NHS: variants seen among roughly 807,000 people sequenced by gnomAD.
NHS encodes the protein NHS actin remodeling regulator, also known as actin remodeling regulator NHS.
NHS carries 5 observed loss-of-function variants against 72.5 expected under a neutral mutation model. The observed-to-expected ratio is 0.07, with a 90% confidence interval of 0.04 to 0.14. The LOEUF is 0.14. Ranked by LOEUF, NHS falls within the 10% of genes least tolerant of loss-of-function variation. The pLI, the probability that NHS is intolerant of heterozygous loss-of-function variation, is 1.00. For missense variants in NHS, 1,072 were observed against 1,355.7 expected (o/e 0.79, Z 3.29); for synonymous variants, 464 against 547.7 (o/e 0.85, Z 2.13).
chrX:17,532,822 G>A (rs1276066992), intron 1 of NHS, among the ~76,000 whole-genome samples: 1 of 111,818 alleles, frequency 8.9e-6, no homozygotes, highest in Non-Finnish European at 1.9e-5. Context: ...CCCTGGCCCG[G>A]CCACTTACTG....
chrX:17,515,786 C>T (rs1322979283), intron 1 of NHS, among the ~76,000 whole-genome samples: 1 of 111,750 alleles, frequency 8.9e-6, no homozygotes, highest in Non-Finnish European at 1.9e-5. Context: ...ATGATTATTA[C>T]CATTTTACAG....
chrX:17,423,386 T>G (rs1308049600), intron 1 of NHS, among the ~76,000 whole-genome samples: 1 of 111,457 alleles, frequency 9.0e-6, no homozygotes, highest in Admixed American at 9.5e-5. Context: ...TGAGCAGGCA[T>G]CTCCTCCTCC....
At chrX:17,489,602 C>T (rs981793257) in intron 1 of NHS, among the ~76,000 whole-genome samples, 1 of 112,015 alleles carries the variant, frequency 8.9e-6, no homozygotes, top group Non-Finnish European at 1.9e-5. Context: ...ATTCTCCTGC[C>T]TCAGCCTCCC....
At chrX:17,659,807 AG>A (rs2065974268) in intron 1 of NHS, among the ~76,000 whole-genome samples, 1 of 111,942 alleles carries the variant, frequency 8.9e-6, no homozygotes, top group Non-Finnish European at 1.9e-5. Flanking sequence ...TAGGAGGTAG[AG>A]GTTATTATTA....
chrX:17,635,145 C>T, intron 1 of NHS: 1 of 232,433 alleles, frequency 4.3e-6, no homozygotes, highest in Non-Finnish European at 6.8e-6. Context: ...CAGGTTGATG[C>T]CTATGCTCCT....
chrX:17,586,979 G>C (rs922927228), intron 1 of NHS: 2 of 112,056 alleles, frequency 1.8e-5, no homozygotes, highest in Non-Finnish European at 3.8e-5. Flanking sequence ...GAAGAGAAGA[G>C]GCCTAAAAAC....
intron 1 of NHS, among the ~76,000 whole-genome samples, chrX:17,406,941 C>A (rs2064532062): frequency 8.9e-6 from 1 of 111,928 alleles, no homozygotes; most frequent in African/African-American, 3.2e-5. Flanking sequence ...CCTCACAGAA[C>A]CTAACACCAA....
chrX:17,405,615 G>A (rs1236243370), intron 1 of NHS, among the ~76,000 whole-genome samples: 1 of 112,041 alleles, frequency 8.9e-6, no homozygotes, highest in Non-Finnish European at 1.9e-5. Flanking sequence ...AACAGGGAAA[G>A]AGATTTTTAA....
At chrX:17,590,550 T>C (rs2065598301) in intron 1 of NHS, among the ~76,000 whole-genome samples, 1 of 111,639 alleles carries the variant, frequency 9.0e-6, no homozygotes, top group Non-Finnish European at 1.9e-5. Flanking sequence ...ATAGTCCCAG[T>C]TTTATAAAAA....
intron 1 of NHS, among the ~76,000 whole-genome samples, chrX:17,678,362 G>A (rs1017559232): frequency 2.7e-5 from 3 of 110,182 alleles, no homozygotes; most frequent in African/African-American, 9.9e-5. Flanking sequence ...AAATACCTGA[G>A]ACTGGGTAAT....
Position 17,720,425 on chromosome X carries a change from C to A in NHS, c.916-1016C>A, listed in dbSNP as rs190288534. Reference sequence around the variant, plus strand: ...TATTAAAGTCTTACTGGGATAACAGCAAAAGATATTTATTTTATACAGATA... The same window carrying A: ...TATTAAAGTCTTACTGGGATAACAGAAAAAGATATTTATTTTATACAGATA... On this transcript the variant is annotated intron_variant, in intron 4 of 8. Transcript: ENST00000676302. 9.1e-3 allele frequency among the ~76,000 whole-genome samples: 1,019 copies of A among 112,003 alleles called. 6 individuals carry two copies. Among genetic ancestry groups the A allele is most frequent in the African/African-American group, 0.032 (971 of 30,816 alleles).
chrX:17,452,498 TTTTTTGTTTTTG>T (rs201488207), intron 1 of NHS, among the ~76,000 whole-genome samples: 68 of 109,143 alleles, frequency 6.2e-4, no homozygotes, highest in African/African-American at 2.1e-3. Flanking sequence ...TGTGTTTTTT[TTTTTTGTTTTTG>T]TTTTTGTTTT....
At chrX:17,720,620 TTGATATTTATCAAA>T (rs1304022489) in intron 4 of NHS, among the ~76,000 whole-genome samples, 9 of 112,349 alleles carry the variant, frequency 8.0e-5, no homozygotes, top group African/African-American at 2.9e-4. Flanking sequence ...TTAGACAATA[TTGATATTTATCAAA>T]AGTTTGGATG....
intron 1 of NHS, among the ~76,000 whole-genome samples, chrX:17,490,597 G>C (rs2064986557): frequency 8.9e-6 from 1 of 112,203 alleles, no homozygotes. Flanking sequence ...GGATTGTCTT[G>C]ACTATACGGG....
At chrX:17,662,809 A>G (rs1446185650) in intron 1 of NHS, among the ~76,000 whole-genome samples, 1 of 112,146 alleles carries the variant, frequency 8.9e-6, no homozygotes, top group African/African-American at 3.2e-5. Context: ...TAAGAAATAC[A>G]GTAATAATAA....
chrX:17,567,551 A>G (rs1430868884), intron 1 of NHS, among the ~76,000 whole-genome samples: 2 of 111,667 alleles, frequency 1.8e-5, no homozygotes, highest in Non-Finnish European at 3.8e-5. Context: ...ACCCCTGTCT[A>G]GGAGGAAATG....
intron 1 of NHS, among the ~76,000 whole-genome samples, chrX:17,566,060 C>T (rs1210648069): frequency 9.2e-6 from 1 of 108,611 alleles, no homozygotes; most frequent in Non-Finnish European, 1.9e-5. Flanking sequence ...CTCACTGCAG[C>T]CTCGACCACT....
chrX:17,628,945 A>G (rs189700251), intron 1 of NHS, among the ~76,000 whole-genome samples: 11 of 113,128 alleles, frequency 9.7e-5, no homozygotes, highest in African/African-American at 3.5e-4. Context: ...CATTACATTT[A>G]TCATTATTAT....
At chrX:17,417,169 A>T (rs1366629087) in intron 1 of NHS, among the ~76,000 whole-genome samples, 1 of 110,671 alleles carries the variant, frequency 9.0e-6, no homozygotes, top group Non-Finnish European at 1.9e-5. Context: ...TTTAAATTGA[A>T]GTATTGCATA....
Sources: gnomAD v4.1 joint callset for allele counts (sites outside exome capture counted in the v4.1 genomes callset) on GRCh38, gnomAD v4.1.1 for gene constraint, MANE v1.5 for transcripts, NCBI Gene and HGNC (gene_info 2026-07-23, HGNC 2026-07-21) for gene names.